The following PLA2R1 variants were observed in gnomAD, a reference collection of about 807,000 sequenced individuals.
PLA2R1 encodes the protein phospholipase A2 receptor 1.
PLA2R1 carries 158 observed loss-of-function variants against 195.9 expected under a neutral mutation model. That is an observed-to-expected ratio of 0.81 (90% CI 0.71 to 0.92). PLA2R1 has a LOEUF of 0.92. PLA2R1 is among the 40% of genes least tolerant of loss of function. The probability of loss-of-function intolerance (pLI) is 0.00; values close to 1 mark genes in which losing one functional copy is unlikely to be tolerated. For synonymous variants in PLA2R1, 586 were observed against 598.2 expected, an observed-to-expected ratio of 0.98 and a Z score of 0.30; for missense variants, 1,626 against 1,764.6, an observed-to-expected ratio of 0.92 and a Z score of 1.41.
intron 10 of PLA2R1, among the ~76,000 whole-genome samples, chr2:160,009,972 TGGTG>T (rs1210753273): frequency 1.3e-5 from 2 of 151,926 alleles, no homozygotes; most frequent in Non-Finnish European, 2.9e-5. Flanking sequence ...TAGCCAGGCA[TGGTG>T]GTACATGCCT....
At chr2:160,002,836 A>G (rs1424620226) in intron 11 of PLA2R1, among the ~76,000 whole-genome samples, 3 of 152,082 alleles carry the variant, frequency 2.0e-5, no homozygotes, top group Non-Finnish European at 4.4e-5. Context: ...AAGAGAGTAA[A>G]GGAGAAAACC....
intron 8 of PLA2R1, among the ~76,000 whole-genome samples, chr2:160,019,254 T>G (rs1293857492): frequency 2.0e-5 from 3 of 152,238 alleles, no homozygotes; most frequent in Admixed American, 6.5e-5. Context: ...AATCCTTTTA[T>G]GTGAATAACA....
chr2:159,949,435 C>A (rs772186072), intron 25 of PLA2R1, among the ~76,000 whole-genome samples, 173 bp downstream of exon 25: 17 of 152,154 alleles, frequency 1.1e-4, no homozygotes, highest in Admixed American at 3.3e-4. Context: ...ACATTTGCTA[C>A]CTCTCTTATA....
intron 11 of PLA2R1, among the ~76,000 whole-genome samples, chr2:160,000,017 A>G (rs1185516805): frequency 6.6e-6 from 1 of 152,196 alleles, no homozygotes; most frequent in Admixed American, 6.6e-5. Flanking sequence ...CAAATGAAGT[A>G]AAAGTATGAA....
chr2:159,991,787 AT>A (rs1313696751), intron 11 of PLA2R1, among the ~76,000 whole-genome samples: 1 of 126,690 alleles, frequency 7.9e-6, no homozygotes, highest in Non-Finnish European at 1.7e-5. Context: ...TACAAAGGAC[AT>A]GAACTCATCA....
intron 8 of PLA2R1, among the ~76,000 whole-genome samples, 196 bp downstream of exon 8, chr2:160,019,910 T>C (rs1404255759): frequency 6.6e-6 from 1 of 152,218 alleles, no homozygotes; most frequent in African/African-American, 2.4e-5. Flanking sequence ...TCATGTCACA[T>C]AGTTCCTTGG....
At chr2:160,028,986 T>A in intron 4 of PLA2R1, 23 bp from the exon 5 acceptor site, 1 of 1,310,316 alleles carries the variant, frequency 7.6e-7, no homozygotes, top group Non-Finnish European at 1.1e-6. Flanking sequence ...TTATGGAGCT[T>A]CAAAAAAAAA....
chr2:160,031,438 C>T (rs78559279), intron 4 of PLA2R1, among the ~76,000 whole-genome samples: 1,562 of 152,260 alleles, frequency 0.01, 34 homozygotes, highest in African/African-American at 0.036. Flanking sequence ...ACCAGATTAC[C>T]AAACTGTGTA....
At chr2:159,928,727 G>A (rs1686533067), downstream of PLA2R1, among the ~76,000 whole-genome samples, 1 of 152,106 alleles carries the variant, frequency 6.6e-6, no homozygotes, top group African/African-American at 2.4e-5. Flanking sequence ...GAACAAATCT[G>A]GAAGCATCAC....
chr2:160,023,389 A>G (rs997107122), intron 6 of PLA2R1, among the ~76,000 whole-genome samples: 4 of 152,208 alleles, frequency 2.6e-5, no homozygotes, highest in African/African-American at 9.6e-5. Flanking sequence ...CTCGCTGCTC[A>G]TTATATGCTA....
intron 11 of PLA2R1, among the ~76,000 whole-genome samples, chr2:159,997,973 T>C (rs745385188): frequency 2.0e-5 from 3 of 152,152 alleles, no homozygotes; most frequent in Non-Finnish European, 4.4e-5. Context: ...TTCTTTGATC[T>C]CTCTCTTTTT....
chr2:160,054,371 TATTA>T (rs1427741873), intron 1 of PLA2R1, among the ~76,000 whole-genome samples: 3 of 152,198 alleles, frequency 2.0e-5, no homozygotes, highest in Non-Finnish European at 4.4e-5. Context: ...ACTTTATAAA[TATTA>T]ATAAAAATAA....
At chr2:160,060,736 T>G (rs758641403) in intron 1 of PLA2R1, among the ~76,000 whole-genome samples, 3 of 152,196 alleles carry the variant, frequency 2.0e-5, no homozygotes, top group Non-Finnish European at 4.4e-5. Context: ...GATTAGCCCT[T>G]CACTCGGAGG....
chr2:160,034,505 A>G (rs1285685658), intron 3 of PLA2R1, among the ~76,000 whole-genome samples: 1 of 152,216 alleles, frequency 6.6e-6, no homozygotes, highest in Non-Finnish European at 1.5e-5. Context: ...TTTTCAGTTA[A>G]AATCCTAGGC....
intron 23 of PLA2R1, 37 bp from the exon 24 acceptor site, chr2:159,951,615 T>A (rs752632519): frequency 5.7e-6 from 6 of 1,046,354 alleles, no homozygotes; most frequent in Non-Finnish European, 9.0e-6. Context: ...ATTTGCAGCA[T>A]CTGGATGACA....
In PLA2R1 at chr2:160,045,155, T is replaced by C. The variant is rs939917190; in HGVS notation, c.112A>G (p.Lys38Glu). The change falls in exon 2 of 30, where the codon AAA becomes GAA. Residue 38 changes from lysine to glutamate, a missense_variant and splice_region_variant. Lys to Glu is a moderately conservative substitution (Grantham distance 56, BLOSUM62 1). Transcript: ENST00000283243. Reference sequence around the variant, plus strand: ...TCACTTTGGATAACAAATATTCCTTTATCTGAAACAAAAATCAAAGATGTG... The same window carrying C: ...TCACTTTGGATAACAAATATTCCTTCATCTGAAACAAAAATCAAAGATGTG... Reference protein sequence around the residue: ...TPERLLEWQDKGIFVIQSESL... With the variant: ...TPERLLEWQDEGIFVIQSESL... The C allele has an allele frequency of 1.9e-6, 3 of 1,585,502 alleles. No individual in the cohort carries two copies. The Admixed American group carries it at 5.3e-5, about 28-fold the overall frequency.
At chr2:159,977,787 C>CA (rs1486738474) in intron 14 of PLA2R1, among the ~76,000 whole-genome samples, 2 of 151,724 alleles carry the variant, frequency 1.3e-5, no homozygotes, top group African/African-American at 4.8e-5. Flanking sequence ...AATACAAAAA[C>CA]AAAAAATTAG....
Position 159,970,126 on chromosome 2 carries a change from G to A in PLA2R1, c.2660+22C>T, listed in dbSNP as rs2136972. On this transcript the variant is annotated intron_variant, in intron 18 of 29. Coordinates refer to ENST00000283243, the MANE Select transcript of PLA2R1 (RefSeq NM_007366.5). The stretch of plus-strand genomic sequence containing the variant: ...TAAAACCTGTCAAACAAAATTAAAT[G>A]CAAATGAATCTAGGTTCATACCGAA... 0.031 allele frequency: 46,818 copies of A among 1,510,846 alleles called. 5,381 individuals are homozygous for A. In the African/African-American group the frequency reaches 0.37, roughly 12 times the overall value. 93.6% of individuals were successfully genotyped at this position (1,510,846 alleles called of 1,614,324 possible).
intron 14 of PLA2R1, among the ~76,000 whole-genome samples, chr2:159,978,964 T>C (rs945947008): frequency 1.3e-5 from 2 of 152,200 alleles, no homozygotes; most frequent in Non-Finnish European, 2.9e-5. Flanking sequence ...CTATATATTT[T>C]AGGCAAGCCA....
Sources: gnomAD v4.1 joint callset for allele counts (sites outside exome capture counted in the v4.1 genomes callset) on GRCh38, gnomAD v4.1.1 for gene constraint, MANE v1.5 for transcripts, NCBI Gene and HGNC (gene_info 2026-07-23, HGNC 2026-07-21) for gene names.